Variants in AGBL4 observed in about 807,000 individuals in gnomAD.
AGBL4 encodes cytosolic carboxypeptidase 6.
In AGBL4, 58 loss-of-function variants were observed where a neutral mutation model predicts 66.4. The ratio of observed to expected loss-of-function variants is 0.87; its 90% CI spans 0.71 to 1.09. The LOEUF (loss-of-function observed/expected upper bound fraction) is 1.09. Ranked by LOEUF, AGBL4 falls within the 50% of genes least tolerant of loss-of-function variation. AGBL4 has a pLI of 0.00. For missense variants in AGBL4, 579 were observed against 631.0 expected (o/e 0.92, Z 0.88); for synonymous variants, 234 against 222.9 (o/e 1.05, Z -0.44).
chr1:49,900,728 CT>C (rs1209342133), intron 1 of AGBL4, among the ~76,000 whole-genome samples: 1 of 152,178 alleles, frequency 6.6e-6, no homozygotes, highest in Non-Finnish European at 1.5e-5. Context: ...TCAGAATGTG[CT>C]TATGGTCTCC....
intron 5 of AGBL4, among the ~76,000 whole-genome samples, chr1:49,043,413 C>T (rs1363388172): frequency 1.3e-5 from 2 of 152,064 alleles, no homozygotes; most frequent in African/African-American, 4.8e-5. Flanking sequence ...TGTACCTTAA[C>T]TGAAGGTCAC....
At chr1:48,900,594 C>T (rs1651990925) in intron 5 of AGBL4, among the ~76,000 whole-genome samples, 1 of 152,088 alleles carries the variant, frequency 6.6e-6, no homozygotes, top group Non-Finnish European at 1.5e-5. Flanking sequence ...TATAGACAAC[C>T]AGTTTTCAAC....
chr1:48,645,597 A>T (rs1226437874), intron 8 of AGBL4, among the ~76,000 whole-genome samples: 2 of 152,166 alleles, frequency 1.3e-5, no homozygotes, highest in African/African-American at 4.8e-5. Flanking sequence ...CCATAAATTA[A>T]TTAGTTCTAT....
At chr1:49,766,404 C>T (rs937459870) in intron 2 of AGBL4, among the ~76,000 whole-genome samples, 4 of 151,914 alleles carry the variant, frequency 2.6e-5, no homozygotes, top group African/African-American at 9.7e-5. Context: ...AATTCATTAC[C>T]ACTAGACAAG....
At position 49,009,704 on chromosome 1, in the gene AGBL4, G is replaced by C. The variant is rs1221900595; in HGVS notation, c.594+35880C>G. Among the ~76,000 whole-genome samples the C allele has an allele frequency of 2.4e-4, 36 of 149,420 alleles. 1 individual carries two copies. The highest frequency in any genetic ancestry group is 3.5e-3 in the Middle Eastern group (1 of 286). On this transcript the variant is annotated intron_variant, in intron 5 of 13. Transcript: ENST00000371839. ...CATGATCAAGTGGGCTTCATCCCTGGGATGCAAGGCTGGTTCAATATACGC... is the reference window on the plus strand; with the variant it reads ...CATGATCAAGTGGGCTTCATCCCTGCGATGCAAGGCTGGTTCAATATACGC...
chr1:49,787,646 A>C (rs1472073733), intron 2 of AGBL4, among the ~76,000 whole-genome samples: 1 of 152,152 alleles, frequency 6.6e-6, no homozygotes, highest in African/African-American at 2.4e-5. Context: ...GACTCAGAAT[A>C]AGTTATGCTC....
At chr1:50,002,688 G>T (rs974974978) in intron 1 of AGBL4, among the ~76,000 whole-genome samples, 16 of 152,090 alleles carry the variant, frequency 1.1e-4, no homozygotes, top group Non-Finnish European at 2.1e-4. Context: ...TCTTATACAT[G>T]GCCATAGAGA....
intron 6 of AGBL4, among the ~76,000 whole-genome samples, chr1:48,845,834 T>A (rs1646896690): frequency 6.6e-6 from 1 of 152,234 alleles, no homozygotes; most frequent in African/African-American, 2.4e-5. Context: ...TATTCATCTG[T>A]TAAATGATAA....
chr1:49,909,986 G>A (rs1650658435), intron 1 of AGBL4, among the ~76,000 whole-genome samples: 1 of 152,152 alleles, frequency 6.6e-6, no homozygotes, highest in East Asian at 1.9e-4. Context: ...ATATTAAGTT[G>A]AGAGTTTCAT....
intron 3 of AGBL4, among the ~76,000 whole-genome samples, chr1:49,434,380 A>G (rs1195579124): frequency 1.3e-5 from 2 of 152,212 alleles, no homozygotes; most frequent in Admixed American, 1.3e-4. Context: ...CAGAAGGTAC[A>G]GATATGAATT....
At chr1:49,918,236 G>C (rs1359734876) in intron 1 of AGBL4, among the ~76,000 whole-genome samples, 1 of 152,160 alleles carries the variant, frequency 6.6e-6, no homozygotes, top group Non-Finnish European at 1.5e-5. Context: ...ACTAAGATCA[G>C]AGCAGCACTG....
At chr1:48,951,167 C>G (rs1017057334) in intron 5 of AGBL4, among the ~76,000 whole-genome samples, 6 of 152,132 alleles carry the variant, frequency 3.9e-5, no homozygotes, top group African/African-American at 1.4e-4. Flanking sequence ...TACCCCAGTG[C>G]TTTAGAGAAA....
At chr1:49,794,961 T>G (rs1201839249) in intron 2 of AGBL4, among the ~76,000 whole-genome samples, 1 of 151,884 alleles carries the variant, frequency 6.6e-6, no homozygotes, top group South Asian at 2.1e-4. Flanking sequence ...CACTAGATGT[T>G]GAAAAGTAAA....
At chr1:49,334,014 C>T (rs761872348) in intron 3 of AGBL4, among the ~76,000 whole-genome samples, 1 of 152,144 alleles carries the variant, frequency 6.6e-6, no homozygotes, top group Admixed American at 6.5e-5. Context: ...AGTTAAGAAG[C>T]CTAGGTTTAA....
intron 4 of AGBL4, among the ~76,000 whole-genome samples, chr1:49,050,279 G>A (rs950090621): frequency 4.6e-5 from 7 of 151,914 alleles, no homozygotes; most frequent in East Asian, 1.9e-4. Context: ...ACACACACAC[G>A]CACTCTCTCA....
chr1:49,278,995 C>T (rs944567802), intron 3 of AGBL4, among the ~76,000 whole-genome samples: 2 of 152,032 alleles, frequency 1.3e-5, no homozygotes, highest in African/African-American at 4.8e-5. Flanking sequence ...ATTCATGAAG[C>T]TTCACCTTAC....
chr1:49,505,532 G>A (rs1403292784), intron 3 of AGBL4, among the ~76,000 whole-genome samples: 1 of 151,846 alleles, frequency 6.6e-6, no homozygotes, highest in African/African-American at 2.4e-5. Flanking sequence ...TTGTCCTTCA[G>A]ACCTTTGAAT....
chr1:49,109,111 T>C (rs1645355556), intron 4 of AGBL4, among the ~76,000 whole-genome samples: 1 of 152,182 alleles, frequency 6.6e-6, no homozygotes, highest in Non-Finnish European at 1.5e-5. Context: ...CTTAAGCAAC[T>C]GAAAGCAGAA....
At chr1:49,241,025 A>T (rs1651189796) in intron 4 of AGBL4, among the ~76,000 whole-genome samples, 1 of 151,968 alleles carries the variant, frequency 6.6e-6, no homozygotes, top group African/African-American at 2.4e-5. Context: ...TCAACCACAA[A>T]GCTAAATTGA....
Sources: allele counts gnomAD v4.1 joint callset (sites outside exome capture counted in the v4.1 genomes callset), GRCh38; gene constraint gnomAD v4.1.1; transcripts MANE v1.5; gene names NCBI Gene and HGNC (gene_info 2026-07-23, HGNC 2026-07-21).